KIAA1217: variants seen among roughly 807,000 people sequenced by gnomAD.
KIAA1217 encodes the protein sickle tail protein homolog.
Under a neutral mutation model 163.9 loss-of-function variants are expected in KIAA1217, and 88 were observed. The ratio of observed to expected loss-of-function variants is 0.54; its 90% CI spans 0.45 to 0.64. The LOEUF is 0.64. Among genes scored for constraint, KIAA1217 ranks in the 30% least tolerant of loss-of-function variants. The probability of loss-of-function intolerance (pLI) is 0.00; values close to 1 mark genes in which losing one functional copy is unlikely to be tolerated. For missense variants in KIAA1217, 2,372 were observed against 2,475.0 expected, an observed-to-expected ratio of 0.96 and a Z score of 0.88; for synonymous variants, 903 against 923.1, an observed-to-expected ratio of 0.98 and a Z score of 0.39.
At chr10:23,810,416 TAC>T (rs1210306074) in intron 1 of KIAA1217, among the ~76,000 whole-genome samples, 3 of 144,752 alleles carry the variant, frequency 2.1e-5, no homozygotes, top group Non-Finnish European at 4.5e-5. Flanking sequence ...ATAATATATA[TAC>T]ACACACGCTA....
At chr10:24,349,463 A>G (rs1010677438) in intron 2 of KIAA1217, among the ~76,000 whole-genome samples, 2 of 152,232 alleles carry the variant, frequency 1.3e-5, no homozygotes, top group African/African-American at 4.8e-5. Context: ...TCCTGACCAC[A>G]ACTCTGCATA....
chr10:23,701,992 G>C (rs889909522), intron 1 of KIAA1217, among the ~76,000 whole-genome samples: 1 of 152,122 alleles, frequency 6.6e-6, no homozygotes, highest in Non-Finnish European at 1.5e-5. Context: ...TTTCATGCTA[G>C]AAATAGAAAG....
intron 1 of KIAA1217, among the ~76,000 whole-genome samples, chr10:23,847,504 T>C (rs1281427647): frequency 6.6e-6 from 1 of 152,212 alleles, no homozygotes; most frequent in African/African-American, 2.4e-5. Context: ...ATTTTCTAGT[T>C]TATTTGCATA....
At chr10:23,850,295 G>C (rs1162531259) in intron 1 of KIAA1217, among the ~76,000 whole-genome samples, 1 of 152,106 alleles carries the variant, frequency 6.6e-6, no homozygotes, top group Non-Finnish European at 1.5e-5. Flanking sequence ...AATTTTGTTT[G>C]AAGTGCTACC....
chr10:23,902,015 T>C (rs1841978242), intron 1 of KIAA1217, among the ~76,000 whole-genome samples: 2 of 151,776 alleles, frequency 1.3e-5, no homozygotes, highest in Admixed American at 6.6e-5. Flanking sequence ...AAAATAGAAC[T>C]TCAGGCAAAT....
intron 17 of KIAA1217, among the ~76,000 whole-genome samples, chr10:24,541,016 A>C (rs1375591639): frequency 6.6e-6 from 1 of 151,804 alleles, no homozygotes; most frequent in African/African-American, 2.4e-5. Context: ...TGATCCACCC[A>C]CCTTAGCCTC....
intron 2 of KIAA1217, among the ~76,000 whole-genome samples, chr10:24,295,018 T>C (rs1016528192): frequency 6.6e-6 from 1 of 152,196 alleles, no homozygotes; most frequent in Non-Finnish European, 1.5e-5. Flanking sequence ...TCTCTGGAAA[T>C]ACTAGAAATG....
At position 24,196,172 on chromosome 10, in the gene KIAA1217, C is replaced by CACACACACACACACAT. The variant is rs1222471443; in HGVS notation, c.-170-23454_-170-23453insACACACACACACACAT. Among the ~76,000 whole-genome samples the CACACACACACACACAT allele has an allele frequency of 1.9e-3, 285 of 146,654 alleles. 1 individual carries two copies. The highest frequency in any genetic ancestry group is 6.4e-3 in the African/African-American group (258 of 40,026). On this transcript the variant is annotated intron_variant, in intron 2 of 18. Transcript: ENST00000376462. ...ACACACACACACACACACACACACA[C>CACACACACACACACAT]TGCCCTCACAAGTTGGAGCATACTT...
chr10:23,860,273 C>T (rs1467278504), intron 1 of KIAA1217, among the ~76,000 whole-genome samples: 1 of 151,872 alleles, frequency 6.6e-6, no homozygotes, highest in Non-Finnish European at 1.5e-5. Context: ...CTCTAACTGA[C>T]CTTAATGGCA....
intron 1 of KIAA1217, among the ~76,000 whole-genome samples, chr10:23,904,992 C>T (rs1421310993): frequency 6.8e-6 from 1 of 147,400 alleles, no homozygotes; most frequent in African/African-American, 2.5e-5. Flanking sequence ...ATGATGGAGT[C>T]GATTGCTGAG....
chr10:24,510,742 A>C (rs1433626122), intron 9 of KIAA1217, among the ~76,000 whole-genome samples: 1 of 152,166 alleles, frequency 6.6e-6, no homozygotes, highest in African/African-American at 2.4e-5. Context: ...GTGGTTAATC[A>C]ACCGATATGA....
intron 2 of KIAA1217, among the ~76,000 whole-genome samples, chr10:24,145,840 C>G (rs1219588705): frequency 6.6e-6 from 1 of 152,230 alleles, no homozygotes; most frequent in Non-Finnish European, 1.5e-5. Context: ...CCAGAAGACT[C>G]AACAATCAAG....
At chr10:23,902,490 C>A (rs1841997939) in intron 1 of KIAA1217, among the ~76,000 whole-genome samples, 1 of 152,060 alleles carries the variant, frequency 6.6e-6, no homozygotes, top group Non-Finnish European at 1.5e-5. Flanking sequence ...GGGGCTCAGG[C>A]AAAGCTTCTT....
intron 1 of KIAA1217, among the ~76,000 whole-genome samples, chr10:23,912,698 T>C (rs1842485347): frequency 6.6e-6 from 1 of 152,220 alleles, no homozygotes; most frequent in Non-Finnish European, 1.5e-5. Flanking sequence ...TTCTATGGTG[T>C]TGTGTTTCTA....
intron 1 of KIAA1217, among the ~76,000 whole-genome samples, chr10:23,973,287 T>A (rs999061645): frequency 3.9e-5 from 6 of 152,244 alleles, no homozygotes; most frequent in African/African-American, 1.4e-4. Flanking sequence ...CCTATCGTTA[T>A]AATCGTAGCT....
chr10:24,002,922 G>T lies in KIAA1217; in HGVS notation c.-320-4303G>T, dbSNP rs532750049. On this transcript the variant is annotated intron_variant, in intron 1 of 18. Transcript: ENST00000376462. The stretch of plus-strand genomic sequence containing the variant: ...ATGCTACTTGATTTTCCATTCCTGA[G>T]TTACTTCACTTGGAATAATGGTGTC... Among the ~76,000 whole-genome samples, 211 of 152,222 alleles carry T rather than the reference G, an allele frequency of 1.4e-3. 1 individual carries two copies. Among genetic ancestry groups the T allele is most frequent in the African/African-American group, 4.9e-3 (205 of 41,530 alleles).
intron 1 of KIAA1217, among the ~76,000 whole-genome samples, chr10:23,873,146 C>A (rs551811551): frequency 6.6e-6 from 1 of 152,128 alleles, no homozygotes; most frequent in African/African-American, 2.4e-5. Context: ...AGTGTAAGGA[C>A]AATAATCTGG....
chr10:24,339,275 T>C (rs2046767968), intron 2 of KIAA1217, among the ~76,000 whole-genome samples: 1 of 152,220 alleles, frequency 6.6e-6, no homozygotes, highest in South Asian at 2.1e-4. Flanking sequence ...AATTCAGTCA[T>C]TGAGTATATA....
intron 2 of KIAA1217, among the ~76,000 whole-genome samples, chr10:24,050,538 C>G: frequency 6.6e-6 from 1 of 151,898 alleles, no homozygotes; most frequent in Non-Finnish European, 1.5e-5. Flanking sequence ...GCCAGTTTTC[C>G]CAACACCATT....
Sources: gnomAD v4.1 joint callset for allele counts (sites outside exome capture counted in the v4.1 genomes callset) on GRCh38, gnomAD v4.1.1 for gene constraint, MANE v1.5 for transcripts, NCBI Gene and HGNC (gene_info 2026-07-23, HGNC 2026-07-21) for gene names.